The following ARMH3 variants were observed in gnomAD, a reference collection of about 807,000 sequenced individuals.
The protein encoded by ARMH3 is armadillo-like helical domain-containing protein 3.
A neutral mutation model predicts 99.1 loss-of-function variants in ARMH3; 60 were observed. The ratio of observed to expected loss-of-function variants is 0.61; its 90% CI spans 0.49 to 0.75. The LOEUF (loss-of-function observed/expected upper bound fraction) is 0.75. Ranked by LOEUF, ARMH3 falls within the 30% of genes least tolerant of loss-of-function variation. The pLI is 0.00. For synonymous variants in ARMH3, 285 were observed against 292.8 expected, an observed-to-expected ratio of 0.97 and a Z score of 0.27; for missense variants, 679 against 843.1, an observed-to-expected ratio of 0.81 and a Z score of 2.41.
chr10:101,850,386 A>G (rs1305397104), intron 24 of ARMH3, among the ~76,000 whole-genome samples: 1 of 148,358 alleles, frequency 6.7e-6, no homozygotes, highest in Non-Finnish European at 1.5e-5. Context: ...GGTGTGAGCC[A>G]TTGAGCCTGG....
At chr10:102,000,645 C>A (rs749587708) in intron 15 of ARMH3, among the ~76,000 whole-genome samples, 1 of 123,206 alleles carries the variant, frequency 8.1e-6, no homozygotes, top group Non-Finnish European at 1.8e-5. Flanking sequence ...TGGTGCACAC[C>A]TGTAGTCCCA....
chr10:102,014,081 A>C, intron 8 of ARMH3, 57 bp from the exon 9 acceptor site: 2 of 1,378,636 alleles, frequency 1.5e-6, no homozygotes, highest in Non-Finnish European at 2.0e-6. Context: ...AAAGCCCGTT[A>C]GCTATCTTTA....
Position 101,993,519 on chromosome 10 carries a change from A to T in ARMH3, c.1275+19T>A. On this transcript the variant is annotated intron_variant, in intron 17 of 25. Coordinates refer to ENST00000370033, the MANE Select transcript of ARMH3 (RefSeq NM_024541.3). Reference sequence around the variant, plus strand: ...AAAATTTCCTCTAAGAAAAAACAAGAAGCAAAAGAAACACCTACCATTCTA... The same window carrying T: ...AAAATTTCCTCTAAGAAAAAACAAGTAGCAAAAGAAACACCTACCATTCTA... The T allele has an allele frequency of 6.4e-7, 1 of 1,565,942 alleles. No individual in the cohort carries two copies. The highest frequency in any genetic ancestry group is 2.3e-5 in the East Asian group (1 of 44,106).
chr10:101,934,374 G>A (rs1843859177), intron 23 of ARMH3, among the ~76,000 whole-genome samples: 2 of 152,138 alleles, frequency 1.3e-5, no homozygotes, highest in Non-Finnish European at 2.9e-5. Flanking sequence ...AAGTGAACAG[G>A]AAGACAAGAA....
rs182557910 is a variant in ARMH3, at chr10:102,051,469, T to C, written c.-12+4616A>G. On this transcript the variant is annotated intron_variant, in intron 1 of 25. Coordinates refer to ENST00000370033, the MANE Select transcript of ARMH3 (RefSeq NM_024541.3). ...GCCTGGGCAACAGAGGGAGACTCCATTTCGGAAAAAAAAAAAAAAGAAAAA... is the reference window on the plus strand; with the variant it reads ...GCCTGGGCAACAGAGGGAGACTCCACTTCGGAAAAAAAAAAAAAAGAAAAA... Among the ~76,000 whole-genome samples, 67 of 150,148 alleles carry C rather than the reference T, an allele frequency of 4.5e-4. 4 individuals carry two copies. In the East Asian group the frequency reaches 0.011, roughly 25 times the overall value.
At chr10:101,978,057 AG>A (rs145775622) in intron 19 of ARMH3, among the ~76,000 whole-genome samples, 2,455 of 152,370 alleles carry the variant, frequency 0.016, 26 homozygotes, top group Non-Finnish European at 0.023. Flanking sequence ...AAAGGGGAAC[AG>A]GGAAAGTCAA....
At chr10:101,930,953 T>C (rs2135667290) in intron 23 of ARMH3, among the ~76,000 whole-genome samples, 1 of 152,334 alleles carries the variant, frequency 6.6e-6, no homozygotes, top group Non-Finnish European at 1.5e-5. Context: ...ATCCTCACTT[T>C]ATAGCTGAGA....
intron 1 of ARMH3, among the ~76,000 whole-genome samples, chr10:102,051,143 G>A (rs1300402532): frequency 7.0e-6 from 1 of 143,168 alleles, no homozygotes; most frequent in Non-Finnish European, 1.5e-5. Context: ...GGGCGACAGA[G>A]CAAGACTCTG....
At chr10:101,976,515 G>C (rs1040412968) in intron 19 of ARMH3, among the ~76,000 whole-genome samples, 1 of 151,578 alleles carries the variant, frequency 6.6e-6, no homozygotes, top group East Asian at 1.9e-4. Context: ...TCAATTAGGC[G>C]CCACTGACGT....
chr10:101,884,918 T>C lies in ARMH3; in HGVS notation c.1860+4494A>G, dbSNP rs139393882. On this transcript the variant is annotated intron_variant, in intron 24 of 25. Coordinates refer to ENST00000370033, the MANE Select transcript of ARMH3 (RefSeq NM_024541.3). The stretch of plus-strand genomic sequence containing the variant: ...GAGTATTTGCAGATCAGATATCTAA[T>C]GAGGAATTAACATCCAGAATATATA... Among the ~76,000 whole-genome samples the C allele has an allele frequency of 1.8e-3, 281 of 152,284 alleles. 3 individuals are homozygous for C. The highest frequency in any genetic ancestry group is 0.017 in the Admixed American group (254 of 15,300).
At chr10:101,874,950 G>C (rs766083339) in intron 24 of ARMH3, among the ~76,000 whole-genome samples, 3 of 152,194 alleles carry the variant, frequency 2.0e-5, no homozygotes, top group Non-Finnish European at 4.4e-5. Context: ...GGTCTAAAAT[G>C]AAAGTAGTGA....
chr10:102,010,057 C>G, intron 11 of ARMH3, 34 bp from the exon 12 acceptor site: 1 of 1,602,722 alleles, frequency 6.2e-7, no homozygotes, highest in African/African-American at 1.3e-5. Flanking sequence ...AAACTTATAG[C>G]AGGAGGATAT....
chr10:101,887,205 T>TA (rs1222909952), intron 24 of ARMH3, among the ~76,000 whole-genome samples: 1 of 152,008 alleles, frequency 6.6e-6, no homozygotes, highest in Non-Finnish European at 1.5e-5. Context: ...AAGCAACAAC[T>TA]ATTTTGAGGG....
chr10:101,919,355 A>C (rs1400575362), intron 23 of ARMH3, among the ~76,000 whole-genome samples: 1 of 152,122 alleles, frequency 6.6e-6, no homozygotes, highest in East Asian at 1.9e-4. Context: ...AGAGTGACAC[A>C]CATTAGCTAA....
intron 13 of ARMH3, among the ~76,000 whole-genome samples, chr10:102,007,159 C>CAAAAAAA (rs10639768): frequency 0.31 from 18,451 of 59,266 alleles, 3,191 homozygotes; most frequent in Non-Finnish European, 0.37. Context: ...GACTCTATCT[C>CAAAAAAA]AAAAAAAAAA....
chr10:101,984,929 C>T (rs1357902515), intron 19 of ARMH3, among the ~76,000 whole-genome samples: 1 of 151,700 alleles, frequency 6.6e-6, no homozygotes, highest in Non-Finnish European at 1.5e-5. Flanking sequence ...ATTAGCCGGG[C>T]GTGGTGGTGC....
chr10:102,023,172 A>T (rs2066924548), intron 8 of ARMH3, among the ~76,000 whole-genome samples: 1 of 134,780 alleles, frequency 7.4e-6, no homozygotes, highest in Non-Finnish European at 1.6e-5. Context: ...GGGCAACAAG[A>T]GCGAAAATCC....
intron 20 of ARMH3, among the ~76,000 whole-genome samples, chr10:101,969,469 A>G (rs1845675256): frequency 6.6e-6 from 1 of 152,232 alleles, no homozygotes; most frequent in South Asian, 2.1e-4. Context: ...TCAGTCCTGT[A>G]TGGCAACACT....
At chr10:101,973,742 T>G (rs538238742) in intron 20 of ARMH3, among the ~76,000 whole-genome samples, 19 of 152,158 alleles carry the variant, frequency 1.2e-4, no homozygotes, top group Non-Finnish European at 2.4e-4. Flanking sequence ...AAAGAGAAAG[T>G]AAAACCAGAA....
Sources: gnomAD v4.1 joint callset for allele counts (sites outside exome capture counted in the v4.1 genomes callset) on GRCh38, gnomAD v4.1.1 for gene constraint, MANE v1.5 for transcripts, NCBI Gene and HGNC (gene_info 2026-07-23, HGNC 2026-07-21) for gene names.